Variants in GPC6 observed in about 807,000 individuals in gnomAD.
GPC6 encodes glypican 6.
A neutral mutation model predicts 55.2 loss-of-function variants in GPC6; 14 were observed. The ratio of observed to expected loss-of-function variants is 0.25; its 90% CI spans 0.17 to 0.40. GPC6 has a LOEUF of 0.40. GPC6 is among the 10% of genes least tolerant of loss of function. GPC6 has a pLI of 1.00. For missense variants in GPC6, 641 were observed against 708.5 expected, an observed-to-expected ratio of 0.90 and a Z score of 1.08; for synonymous variants, 278 against 259.6, an observed-to-expected ratio of 1.07 and a Z score of -0.68.
At chr13:94,118,334 A>T (rs1340740711) in intron 4 of GPC6, among the ~76,000 whole-genome samples, 1 of 151,900 alleles carries the variant, frequency 6.6e-6, no homozygotes. Context: ...ATGAAAATGG[A>T]TATGTTTGCT....
chr13:93,972,249 T>C (rs1368969280), intron 3 of GPC6, among the ~76,000 whole-genome samples: 1 of 152,182 alleles, frequency 6.6e-6, no homozygotes, highest in African/African-American at 2.4e-5. Context: ...CTAAAACTGA[T>C]TTATTGGCTC....
chr13:93,399,122 G>T (rs1875973586), intron 1 of GPC6, among the ~76,000 whole-genome samples: 1 of 151,802 alleles, frequency 6.6e-6, no homozygotes, highest in African/African-American at 2.4e-5. Flanking sequence ...ATTCACCGTG[G>T]TCTCTCATTC....
intron 4 of GPC6, among the ~76,000 whole-genome samples, chr13:94,257,057 T>G (rs1282484012): frequency 6.6e-6 from 1 of 152,194 alleles, no homozygotes. Context: ...ATTTAACAAG[T>G]GTTTCTTTTG....
chr13:93,953,533 A>T (rs2140375488), intron 3 of GPC6, among the ~76,000 whole-genome samples: 1 of 152,216 alleles, frequency 6.6e-6, no homozygotes, highest in East Asian at 1.9e-4. Context: ...CATCTTGTTC[A>T]TTCTAGCAAC....
At chr13:93,461,894 CAGTT>C (rs1257125754) in intron 1 of GPC6, among the ~76,000 whole-genome samples, 1 of 152,186 alleles carries the variant, frequency 6.6e-6, no homozygotes, top group African/African-American at 2.4e-5. Context: ...CCTGGGCACA[CAGTT>C]GGTGCAGCTA....
chr13:93,802,322 T>C (rs1886400904), intron 2 of GPC6, among the ~76,000 whole-genome samples: 1 of 152,246 alleles, frequency 6.6e-6, no homozygotes, highest in Admixed American at 6.5e-5. Context: ...CAACTGTTAT[T>C]TTTGCTATCA....
At chr13:94,387,764 C>CTCTCTG (rs1491569523) in intron 7 of GPC6, among the ~76,000 whole-genome samples, 38 of 108,962 alleles carry the variant, frequency 3.5e-4, no homozygotes, top group African/African-American at 1.5e-3. Flanking sequence ...CTCTCTCTCT[C>CTCTCTG]TGCCGTGTGA....
At chr13:93,504,513 C>T (rs1246618377) in intron 1 of GPC6, among the ~76,000 whole-genome samples, 1 of 141,000 alleles carries the variant, frequency 7.1e-6, no homozygotes, top group Admixed American at 7.2e-5. Context: ...CTTTCCCTCA[C>T]TGGATTGTAA....
intron 2 of GPC6, among the ~76,000 whole-genome samples, chr13:93,626,491 C>G (rs1236555984): frequency 6.6e-6 from 1 of 152,088 alleles, no homozygotes. Flanking sequence ...TTGTATTAGT[C>G]CATTCTTGCA....
At chr13:94,188,848 T>A (rs1471446575) in intron 4 of GPC6, among the ~76,000 whole-genome samples, 1 of 152,162 alleles carries the variant, frequency 6.6e-6, no homozygotes, top group Admixed American at 6.5e-5. Flanking sequence ...TGAAGAGCTT[T>A]CCTCAAAGTC....
At chr13:93,792,234 T>C (rs1886061795) in intron 2 of GPC6, among the ~76,000 whole-genome samples, 1 of 152,244 alleles carries the variant, frequency 6.6e-6, no homozygotes, top group South Asian at 2.1e-4. Context: ...CTTAGTTTTC[T>C]CTAATTTCTA....
At chr13:93,791,651 T>C (rs928357129) in intron 2 of GPC6, among the ~76,000 whole-genome samples, 3 of 152,168 alleles carry the variant, frequency 2.0e-5, no homozygotes, top group African/African-American at 7.2e-5. Context: ...TGTTAAAACA[T>C]CTTGAGTTAT....
At chr13:93,530,919 A>T (rs1881841766) in intron 1 of GPC6, among the ~76,000 whole-genome samples, 1 of 152,174 alleles carries the variant, frequency 6.6e-6, no homozygotes, top group African/African-American at 2.4e-5. Flanking sequence ...ATAATTTGGG[A>T]ATTATATTGG....
chr13:93,306,295 G>A (rs940920413), intron 1 of GPC6, among the ~76,000 whole-genome samples: 4 of 152,074 alleles, frequency 2.6e-5, no homozygotes, highest in African/African-American at 7.2e-5. Flanking sequence ...TGTATCCAAA[G>A]GTTTTGCTAT....
intron 2 of GPC6, among the ~76,000 whole-genome samples, chr13:93,561,407 A>ATATATATATATATATATATATATATAT (rs1566424706): frequency 1.5e-5 from 1 of 65,164 alleles, no homozygotes; most frequent in African/African-American, 5.2e-5. Flanking sequence ...CCCTATCGAT[A>ATATATATATATATATATATATATATAT]TATATATATA....
chr13:93,830,406 G>A lies in GPC6; in HGVS notation c.572G>A (p.Ser191Asn). ...AGTGAAGACTACCTGGAATGTGTGA[G>A]CAAATACACTGACCAGCTCAAGCCA... ...HFSEDYLECV[S>N]KYTDQLKPFG... The change falls in exon 3 of 9, where the codon AGC (serine) becomes AAC (asparagine). Residue 191 changes from serine (S) to asparagine (N), a missense_variant. Transcript: ENST00000377047. 6.2e-7 allele frequency: 1 copy of A among 1,613,952 alleles called. No individual in the cohort carries two copies. Among genetic ancestry groups the A allele is most frequent in the South Asian group, 1.1e-5 (1 of 91,078 alleles).
At chr13:93,881,844 C>A (rs761991984) in intron 3 of GPC6, among the ~76,000 whole-genome samples, 4 of 152,074 alleles carry the variant, frequency 2.6e-5, no homozygotes, top group Admixed American at 6.6e-5. Flanking sequence ...AGGGAGAAAC[C>A]TGGCTTCCAT....
intron 3 of GPC6, among the ~76,000 whole-genome samples, chr13:93,850,048 G>A (rs143828305): frequency 1.3e-5 from 2 of 151,974 alleles, no homozygotes; most frequent in East Asian, 3.9e-4. Flanking sequence ...GTAAAAAAAG[G>A]CTGTTGTCAT....
chr13:93,539,033 C>T (rs9524116), intron 1 of GPC6, among the ~76,000 whole-genome samples: 18,451 of 151,908 alleles, frequency 0.12, 1,362 homozygotes, highest in East Asian at 0.3. Flanking sequence ...CACCCACCAA[C>T]GTGTCATCCA....
Sources: gnomAD v4.1 joint callset for allele counts (sites outside exome capture counted in the v4.1 genomes callset) on GRCh38, gnomAD v4.1.1 for gene constraint, MANE v1.5 for transcripts, NCBI Gene and HGNC (gene_info 2026-07-23, HGNC 2026-07-21) for gene names.